Variants in KCNIP4 observed in about 807,000 individuals in gnomAD.
KCNIP4 encodes Kv channel-interacting protein 4.
KCNIP4 carries 12 observed loss-of-function variants against 34.0 expected under a neutral mutation model. That is an observed-to-expected ratio of 0.35 (90% CI 0.23 to 0.57). The LOEUF (loss-of-function observed/expected upper bound fraction) is 0.57, where lower values mean the gene tolerates loss of function less well. Ranked by LOEUF, KCNIP4 falls within the 20% of genes least tolerant of loss-of-function variation. The pLI is 0.83. For missense variants in KCNIP4, 238 were observed against 311.7 expected (o/e 0.76, Z 1.78); for synonymous variants, 124 against 102.2 (o/e 1.21, Z -1.29).
At chr4:20,864,340 A>G (rs541189152) in intron 2 of KCNIP4, among the ~76,000 whole-genome samples, 3 of 151,332 alleles carry the variant, frequency 2.0e-5, no homozygotes, top group Non-Finnish European at 2.9e-5. Context: ...ATGTATGTAA[A>G]CATGTATGTA....
chr4:21,291,083 T>C (rs1763430335), intron 1 of KCNIP4, among the ~76,000 whole-genome samples: 1 of 151,420 alleles, frequency 6.6e-6, no homozygotes, highest in South Asian at 2.1e-4. Flanking sequence ...AGGCACAGCA[T>C]GTTCCATTTC....
In KCNIP4 at chr4:20,737,535, G is replaced by C. The variant is rs201615038; in HGVS notation, c.430-2800C>G. Among the ~76,000 whole-genome samples the C allele has an allele frequency of 1.4e-4, 17 of 120,074 alleles. No homozygotes were observed. In the East Asian group the frequency reaches 3.1e-3, roughly 22 times the overall value. The allele number at this position is 120,074 out of a possible 152,430, so 78.8% of individuals were successfully genotyped here. The stretch of plus-strand genomic sequence containing the variant: ...GAGAAGGGAGTTGATACATGAGACA[G>C]AAGAACATGGTGTGGATGCCAGCAG... On this transcript the variant is annotated intron_variant, in intron 5 of 8. Coordinates refer to ENST00000382152, the MANE Select transcript of KCNIP4 (RefSeq NM_025221.6).
intron 1 of KCNIP4, among the ~76,000 whole-genome samples, chr4:21,915,744 C>G (rs542646900): frequency 1.2e-4 from 18 of 152,338 alleles, no homozygotes; most frequent in Non-Finnish European, 1.3e-4. Flanking sequence ...GAGACCATCT[C>G]TTTCTACGAT....
At chr4:21,265,015 C>T (rs1458284256) in intron 1 of KCNIP4, among the ~76,000 whole-genome samples, 1 of 152,092 alleles carries the variant, frequency 6.6e-6, no homozygotes, top group Non-Finnish European at 1.5e-5. Flanking sequence ...ACAAGAATTG[C>T]TTGAATCCAA....
intron 1 of KCNIP4, among the ~76,000 whole-genome samples, chr4:21,707,140 C>T (rs1713340101): frequency 6.6e-6 from 1 of 152,132 alleles, no homozygotes; most frequent in Non-Finnish European, 1.5e-5. Flanking sequence ...GACCACAAAC[C>T]ATACGATAAA....
At chr4:21,948,003 G>A (rs1730598555) in intron 1 of KCNIP4, among the ~76,000 whole-genome samples, 1 of 152,212 alleles carries the variant, frequency 6.6e-6, no homozygotes, top group African/African-American at 2.4e-5. Context: ...TTATTTGCAA[G>A]TGTCACTGAG....
intron 1 of KCNIP4, among the ~76,000 whole-genome samples, chr4:21,517,096 A>G (rs574211926): frequency 1.3e-5 from 2 of 152,238 alleles, no homozygotes; most frequent in South Asian, 4.2e-4. Context: ...TGTGAAGAAC[A>G]ATGGAAATTC....
In KCNIP4 at chr4:21,455,616, A is replaced by G. The variant is rs1366335533; in HGVS notation, c.61+492955T>C. The stretch of plus-strand genomic sequence containing the variant: ...TATTGCACTCATTTTACAGATAAAG[A>G]AACTGAAGGTTTTTTTTTTTTTCAG... On this transcript the variant is annotated intron_variant, in intron 1 of 8. Transcript: ENST00000382152. Among the ~76,000 whole-genome samples, 4 of 140,866 alleles carry G rather than the reference A, an allele frequency of 2.8e-5. 1 individual carries two copies. The highest frequency in any genetic ancestry group is 1.0e-4 in the African/African-American group (4 of 38,658). The allele number at this position is 140,866 out of a possible 152,430, so 92.4% of individuals were successfully genotyped here.
chr4:21,056,675 A>G (rs1577609805), intron 1 of KCNIP4, among the ~76,000 whole-genome samples: 1 of 152,198 alleles, frequency 6.6e-6, no homozygotes, highest in Non-Finnish European at 1.5e-5. Flanking sequence ...CTTCTAATAC[A>G]CAAGATCAAT....
chr4:20,874,298 T>C (rs1039701782), intron 2 of KCNIP4, among the ~76,000 whole-genome samples: 4 of 152,184 alleles, frequency 2.6e-5, no homozygotes, highest in Admixed American at 1.3e-4. Context: ...TTCAACTTTT[T>C]AACTCTAGTA....
At chr4:21,362,983 T>C (rs528532757) in intron 1 of KCNIP4, among the ~76,000 whole-genome samples, 1 of 152,252 alleles carries the variant, frequency 6.6e-6, no homozygotes, top group African/African-American at 2.4e-5. Flanking sequence ...ATAACGATGG[T>C]AATCATTCAC....
At chr4:21,725,742 C>A (rs1715148920) in intron 1 of KCNIP4, among the ~76,000 whole-genome samples, 1 of 152,016 alleles carries the variant, frequency 6.6e-6, no homozygotes, top group Non-Finnish European at 1.5e-5. Flanking sequence ...TAGAACAGTT[C>A]AACATTAACT....
intron 5 of KCNIP4, 135 bp downstream of exon 5, chr4:20,749,527 A>G (rs372563827): frequency 3.9e-5 from 21 of 535,842 alleles, no homozygotes; most frequent in African/African-American, 1.7e-4. Flanking sequence ...ATTTTTGGCA[A>G]TTACATGAGA....
intron 1 of KCNIP4, among the ~76,000 whole-genome samples, chr4:21,690,011 G>T (rs1019464076): frequency 6.6e-6 from 1 of 151,240 alleles, no homozygotes; most frequent in Non-Finnish European, 1.5e-5. Flanking sequence ...AATAAATAAC[G>T]TTAAGCATAG....
At chr4:21,784,926 G>A (rs1332490250) in intron 1 of KCNIP4, among the ~76,000 whole-genome samples, 1 of 152,132 alleles carries the variant, frequency 6.6e-6, no homozygotes, top group Non-Finnish European at 1.5e-5. Flanking sequence ...TTTCTTGCAT[G>A]CAAACAGTCT....
In KCNIP4 at chr4:21,250,122, T is replaced by C. The variant is rs545004761; in HGVS notation, c.62-367413A>G. On this transcript the variant is annotated intron_variant, in intron 1 of 8. Coordinates refer to ENST00000382152, the MANE Select transcript of KCNIP4 (RefSeq NM_025221.6). Reference sequence around the variant, plus strand: ...AGGGAGGAGGATCTCATTTCTTTCTTTTTTTTTTTCCCCCAGGAAAAAGTT... The same window carrying C: ...AGGGAGGAGGATCTCATTTCTTTCTCTTTTTTTTTCCCCCAGGAAAAAGTT... 6.0e-4 allele frequency among the ~76,000 whole-genome samples: 87 copies of C among 145,098 alleles called. 1 individual carries two copies. Among genetic ancestry groups the C allele is most frequent in the Admixed American group, 2.5e-3 (36 of 14,526 alleles).
intron 3 of KCNIP4, 51 bp from the exon 4 acceptor site, chr4:20,758,941 A>T (rs746406224): frequency 9.5e-6 from 14 of 1,477,482 alleles, no homozygotes; most frequent in East Asian, 2.3e-5. Context: ...ATAAAACTGA[A>T]TTTTTTTTGC....
intron 1 of KCNIP4, among the ~76,000 whole-genome samples, chr4:21,806,188 T>G (rs150927071): frequency 6.6e-6 from 1 of 152,312 alleles, no homozygotes; most frequent in African/African-American, 2.4e-5. Flanking sequence ...GTCAATGTTT[T>G]TTAAGGTACA....
intron 1 of KCNIP4, among the ~76,000 whole-genome samples, chr4:21,004,813 G>A (rs991733552): frequency 1.4e-4 from 21 of 152,100 alleles, no homozygotes; most frequent in East Asian, 3.9e-4. Flanking sequence ...ACATGGAGAC[G>A]TTAGCTGCAG....
Sources: allele counts gnomAD v4.1 joint callset (sites outside exome capture counted in the v4.1 genomes callset), GRCh38; gene constraint gnomAD v4.1.1; transcripts MANE v1.5; gene names NCBI Gene and HGNC (gene_info 2026-07-23, HGNC 2026-07-21).